MGAT4D: variants seen among roughly 807,000 people sequenced by gnomAD.
MGAT4D encodes MGAT4 family member D.
A neutral mutation model predicts 15.9 loss-of-function variants in MGAT4D; 34 were observed. The ratio of observed to expected loss-of-function variants is 2.14; its 90% CI spans 1.62 to 2.84. The LOEUF (loss-of-function observed/expected upper bound fraction) is 2.84. Among genes scored for constraint, MGAT4D ranks in the 30% most tolerant of loss-of-function variants. MGAT4D has a pLI of 0.00. For synonymous variants in MGAT4D, 112 were observed against 48.2 expected (o/e 2.33, Z -5.49); for missense variants, 327 against 140.2 (o/e 2.33, Z -6.73).
chr4:140,498,182 G>T lies in MGAT4D; in HGVS notation c.41C>A (p.Ala14Asp), dbSNP rs890948509. The change falls in exon 1 of 11, where the codon GCC becomes GAC. Residue 14 changes from alanine (A) to aspartate (D), a missense_variant. By Grantham distance (126) the Ala-to-Asp change is moderately radical (BLOSUM62 -2). Transcript: ENST00000511113. ...GCAAGAGAAGCTGAACAACGCGACG[G>T]CGACCAGGGTGATCAGCAAGTTCAC... The part of the protein sequence containing the change: ...KQVNLLITLV[A>D]VALFSFSCFS... The T allele has an allele frequency of 4.3e-6, 3 of 702,652 alleles. No homozygotes were observed. The highest frequency in any genetic ancestry group is 1.7e-5 in the African/African-American group (1 of 57,364). The allele number at this position is 702,652 out of a possible 1,614,324, so 43.5% of individuals were successfully genotyped here. A position where few individuals can be genotyped will look rare whatever the true frequency, so the allele number is the denominator to read the frequency against.
At chr4:140,465,776 T>C (rs1002887748) in intron 5 of MGAT4D, among the ~76,000 whole-genome samples, 2 of 152,206 alleles carry the variant, frequency 1.3e-5, no homozygotes, top group Admixed American at 1.3e-4. Flanking sequence ...ATGCATAATC[T>C]CCATTATGGG....
chr4:140,471,858 T>C, intron 4 of MGAT4D, 37 bp from the exon 5 acceptor site: 3 of 420,034 alleles, frequency 7.1e-6, no homozygotes, highest in Non-Finnish European at 8.6e-6. Flanking sequence ...AAACTAAGCA[T>C]GTCTCATAGT....
chr4:140,461,877 G>C (rs939275593), intron 7 of MGAT4D, 52 bp downstream of exon 7: 1 of 434,488 alleles, frequency 2.3e-6, no homozygotes, highest in Non-Finnish European at 4.1e-6. Flanking sequence ...TATAATTGGT[G>C]TATACACACA....
chr4:140,492,438 G>A (rs191561458), intron 1 of MGAT4D, among the ~76,000 whole-genome samples: 77 of 152,276 alleles, frequency 5.1e-4, no homozygotes, highest in African/African-American at 1.8e-3. Context: ...AGACCAGCCT[G>A]GCCAACATGG....
chr4:140,488,739 T>A (rs1343505745), intron 1 of MGAT4D, among the ~76,000 whole-genome samples: 1 of 152,220 alleles, frequency 6.6e-6, no homozygotes, highest in Admixed American at 6.5e-5. Flanking sequence ...TGTTGAATTG[T>A]AATCCCCAAT....
At chr4:140,469,989 T>A (rs1164576236) in intron 5 of MGAT4D, among the ~76,000 whole-genome samples, 1 of 152,226 alleles carries the variant, frequency 6.6e-6, no homozygotes, top group South Asian at 2.1e-4. Flanking sequence ...AAGCAGTAAG[T>A]GACAAGAGCC....
At chr4:140,493,235 CATG>C (rs1478288872) in intron 1 of MGAT4D, among the ~76,000 whole-genome samples, 1 of 151,434 alleles carries the variant, frequency 6.6e-6, no homozygotes, top group Non-Finnish European at 1.5e-5. Flanking sequence ...CACCCCATCT[CATG>C]ATGATACTAC....
intron 10 of MGAT4D, among the ~76,000 whole-genome samples, chr4:140,449,342 A>T (rs556300929): frequency 6.6e-6 from 1 of 152,230 alleles, no homozygotes; most frequent in African/African-American, 2.4e-5. Context: ...AAAGTTCATC[A>T]CTAAAAAGGC....
At chr4:140,455,989 T>A (rs1480402592) in intron 9 of MGAT4D, among the ~76,000 whole-genome samples, 1 of 152,058 alleles carries the variant, frequency 6.6e-6, no homozygotes, top group Non-Finnish European at 1.5e-5. Context: ...ATACAAAAAT[T>A]AGCTGGGCAT....
At chr4:140,456,182 T>C (rs942800078) in intron 9 of MGAT4D, among the ~76,000 whole-genome samples, 29 of 152,200 alleles carry the variant, frequency 1.9e-4, no homozygotes, top group Non-Finnish European at 3.8e-4. Flanking sequence ...TTTGTGTTTG[T>C]ATGGTATATA....
intron 5 of MGAT4D, among the ~76,000 whole-genome samples, chr4:140,470,182 A>G (rs1012827026): frequency 1.3e-5 from 2 of 152,180 alleles, no homozygotes; most frequent in African/African-American, 2.4e-5. Context: ...ACTTGTTTTG[A>G]CCAATTGTTT....
At chr4:140,482,890 T>C (rs986136003) in intron 1 of MGAT4D, among the ~76,000 whole-genome samples, 1 of 152,146 alleles carries the variant, frequency 6.6e-6, no homozygotes, top group Non-Finnish European at 1.5e-5. Flanking sequence ...ATGAGGAATA[T>C]GTACACAGAT....
At chr4:140,485,810 T>TAAAAAAAAAA (rs61131099) in intron 1 of MGAT4D, among the ~76,000 whole-genome samples, 196 of 13,022 alleles carry the variant, frequency 0.015, 54 homozygotes, top group Non-Finnish European at 0.021. Context: ...GACCCTGTCT[T>TAAAAAAAAAA]AAAAAAAAAA....
At chr4:140,496,364 A>G (rs892679098) in intron 1 of MGAT4D, among the ~76,000 whole-genome samples, 2 of 152,242 alleles carry the variant, frequency 1.3e-5, no homozygotes, top group African/African-American at 2.4e-5. Context: ...CAAGAACAGT[A>G]TCTTGCTTCT....
chr4:140,474,640 G>T (rs1409472767), intron 4 of MGAT4D, among the ~76,000 whole-genome samples, 173 bp downstream of exon 4: 1 of 152,116 alleles, frequency 6.6e-6, no homozygotes, highest in African/African-American at 2.4e-5. Context: ...CTTCTCAGCA[G>T]TATCGAAGAA....
At chr4:140,472,218 T>C (rs768889525) in intron 4 of MGAT4D, among the ~76,000 whole-genome samples, 3 of 152,208 alleles carry the variant, frequency 2.0e-5, no homozygotes, top group Non-Finnish European at 4.4e-5. Context: ...CTGAGTATTA[T>C]ATGACAATAA....
chr4:140,457,979 A>C (rs886321081), intron 8 of MGAT4D: 1 of 152,194 alleles, frequency 6.6e-6, no homozygotes, highest in South Asian at 2.1e-4. Flanking sequence ...TAGCAATCCC[A>C]GAAATGCTTT....
chr4:140,473,177 A>G (rs376607803), intron 4 of MGAT4D, among the ~76,000 whole-genome samples: 4 of 150,984 alleles, frequency 2.6e-5, no homozygotes, highest in Admixed American at 2.6e-4. Flanking sequence ...CTTCATTCCT[A>G]TTTAACATAA....
intron 10 of MGAT4D, among the ~76,000 whole-genome samples, chr4:140,446,460 G>T (rs1301702411): frequency 6.6e-6 from 1 of 152,112 alleles, no homozygotes; most frequent in Non-Finnish European, 1.5e-5. Flanking sequence ...GTGCATAGAG[G>T]TGTTCATAAC....
Sources: gnomAD v4.1 joint callset for allele counts (sites outside exome capture counted in the v4.1 genomes callset) on GRCh38, gnomAD v4.1.1 for gene constraint, MANE v1.5 for transcripts, NCBI Gene and HGNC (gene_info 2026-07-23, HGNC 2026-07-21) for gene names.